The following FAM177A1 variants were observed in gnomAD, a reference collection of about 807,000 sequenced individuals.
The protein encoded by FAM177A1 is family with sequence similarity 177 member A1.
A neutral mutation model predicts 26.1 loss-of-function variants in FAM177A1; 22 were observed. That is an observed-to-expected ratio of 0.84 (90% CI 0.60 to 1.20). FAM177A1 has a LOEUF of 1.20. Ranked by LOEUF, FAM177A1 falls within the 50% of genes most tolerant of loss-of-function variation. FAM177A1 has a pLI of 0.00. For missense variants in FAM177A1, 296 were observed against 291.1 expected, an observed-to-expected ratio of 1.02 and a Z score of -0.12; for synonymous variants, 95 against 99.3, an observed-to-expected ratio of 0.96 and a Z score of 0.26.
upstream of FAM177A1, among the ~76,000 whole-genome samples, chr14:35,045,450 A>G (rs189934021): frequency 1.3e-5 from 2 of 152,348 alleles, no homozygotes; most frequent in East Asian, 3.9e-4. Context: ...TGCTGTTGCT[A>G]TGATGAAAAA....
upstream of FAM177A1, among the ~76,000 whole-genome samples, chr14:35,045,674 T>A (rs200964849): frequency 2.0e-5 from 3 of 152,138 alleles, no homozygotes; most frequent in Admixed American, 6.6e-5. Flanking sequence ...CATGCAGTAA[T>A]TGCATGATTT....
intron 2 of FAM177A1, among the ~76,000 whole-genome samples, chr14:35,063,876 C>T (rs1264754219): frequency 6.7e-6 from 1 of 149,946 alleles, no homozygotes; most frequent in African/African-American, 2.5e-5. Context: ...CCTGAAACTC[C>T]ATCTCTACTA....
In FAM177A1 at chr14:35,081,319, T is replaced by A; in HGVS notation, c.*91T>A. ...CTTTATTCAGTGGGACTTAATACAA[T>A]TATTTATATTTTAAATTATTAAAGT... is the stretch of plus-strand genomic sequence containing the variant. On this transcript the variant is annotated 3_prime_UTR_variant, in exon 5 of 5. Coordinates refer to ENST00000280987, the MANE Select transcript of FAM177A1 (RefSeq NM_173607.5). 8.7e-7 allele frequency: 1 copy of A among 1,146,134 alleles called. No individual in the cohort carries two copies. The highest frequency in any genetic ancestry group is 1.2e-6 in the Non-Finnish European group (1 of 844,450). The allele number at this position is 1,146,134 out of a possible 1,614,324, so 71.0% of individuals were successfully genotyped here.
Position 35,046,824 on chromosome 14 carries a change from C to T in FAM177A1, c.165+196C>T, listed in dbSNP as rs530899899. On this transcript the variant is annotated intron_variant, in intron 1 of 4. Coordinates refer to ENST00000280987, the MANE Select transcript of FAM177A1 (RefSeq NM_173607.5). ...AGCGCCCCCCGCCTCACTCACCAAC[C>T]CCTTGGCTGGCAGCACAGCAGACTC... is the stretch of plus-strand genomic sequence containing the variant. 2.9e-6 allele frequency: 4 copies of T among 1,368,466 alleles called. No individual in the cohort carries two copies. In the East Asian group the frequency reaches 1.2e-4, roughly 41 times the overall value. The allele number at this position is 1,368,466 out of a possible 1,614,324, so 84.8% of individuals were successfully genotyped here.
intron 1 of FAM177A1, among the ~76,000 whole-genome samples, chr14:35,051,343 C>T (rs2044967091): frequency 6.6e-6 from 1 of 152,132 alleles, no homozygotes; most frequent in Non-Finnish European, 1.5e-5. Context: ...TGGTCTCCAA[C>T]TCCTGACATC....
chr14:35,051,512 A>G (rs1171167113), intron 1 of FAM177A1, among the ~76,000 whole-genome samples: 33 of 152,180 alleles, frequency 2.2e-4, no homozygotes, highest in Non-Finnish European at 1.5e-5. Context: ...TCCTGGGTTC[A>G]AGTGATTCTC....
intron 2 of FAM177A1, among the ~76,000 whole-genome samples, chr14:35,067,488 A>G (rs551204914): frequency 6.6e-6 from 1 of 152,342 alleles, no homozygotes; most frequent in South Asian, 2.1e-4. Context: ...TGTAATAAAC[A>G]TGGGAGTGCA....
intron 4 of FAM177A1, among the ~76,000 whole-genome samples, chr14:35,079,306 C>T (rs78142214): frequency 0.017 from 2,601 of 152,250 alleles, 78 homozygotes; most frequent in African/African-American, 0.06. Flanking sequence ...ACATGCCTCT[C>T]TTTGGATTAT....
At position 35,046,514 on chromosome 14, in the gene FAM177A1, C is replaced by T. The variant is rs1295141898; in HGVS notation, c.51C>T (p.Ser17=). ...CCCTCTTTCTCACCAGCGCCAGCAG[C>T]CCTGTGGTGGCGACGACGATGGACC... is the stretch of plus-strand genomic sequence containing the variant. The part of the protein sequence containing the change: ...AITLFLTSAS[S]PVVATTMDQE... The change falls in exon 1 of 5, where the codon AGC becomes AGT. Residue 17 remains serine, a synonymous_variant. Coordinates refer to ENST00000280987, the MANE Select transcript of FAM177A1 (RefSeq NM_173607.5). The T allele has an allele frequency of 2.5e-6, 4 of 1,603,894 alleles. No individual in the cohort carries two copies. In the South Asian group the frequency reaches 3.4e-5, roughly 13 times the overall value.
rs1264505798 is a variant in FAM177A1, at chr14:35,079,021, G to A, written c.501G>A (p.Lys167=). Residue 167 remains lysine (K), a synonymous_variant, in exon 4 of 5, where the codon AAG becomes AAA. Transcript: ENST00000280987. The part of the protein sequence containing the change: ...YAIDEYYRMK[K]EEEEEEEENR... ...TTGATGAATATTATCGGATGAAGAA[G>A]GAGGTATGCCTCCTTTTTACATTTT... is the stretch of plus-strand genomic sequence containing the variant. 1 of 1,553,788 alleles carries A rather than the reference G, an allele frequency of 6.4e-7. No individual in the cohort carries two copies. The highest frequency in any genetic ancestry group is 2.5e-5 in the East Asian group (1 of 40,248).
chr14:35,049,258 G>A (rs959904492), intron 1 of FAM177A1, among the ~76,000 whole-genome samples: 2 of 152,034 alleles, frequency 1.3e-5, no homozygotes, highest in Non-Finnish European at 2.9e-5. Context: ...CAGCCTCAAT[G>A]TTTTTAAAGG....
intron 2 of FAM177A1, among the ~76,000 whole-genome samples, chr14:35,062,604 G>A (rs112380863): frequency 6.6e-6 from 1 of 151,948 alleles, no homozygotes; most frequent in African/African-American, 2.4e-5. Flanking sequence ...TGTTTTTAAA[G>A]ATTAAATGAG....
At chr14:35,066,113 C>A (rs2045237402) in intron 2 of FAM177A1, among the ~76,000 whole-genome samples, 1 of 152,114 alleles carries the variant, frequency 6.6e-6, no homozygotes, top group Non-Finnish European at 1.5e-5. Flanking sequence ...GTTGCCCAGG[C>A]TGTAGTAAAG....
At chr14:35,067,097 T>A (rs988315955) in intron 2 of FAM177A1, among the ~76,000 whole-genome samples, 1 of 152,310 alleles carries the variant, frequency 6.6e-6, no homozygotes, top group South Asian at 2.1e-4. Flanking sequence ...CAGCCCAATT[T>A]TCTGTTTTTA....
At position 35,081,095 on chromosome 14, in the gene FAM177A1, C is replaced by T. The variant is rs767652514; in HGVS notation, c.578C>T (p.Thr193Ile). ...EKQYQQNKLQ[T>I]DSIVQTDQPE... ...CAATATCAACAGAATAAATTGCAGACTGATTCCATTGTTCAGACAGATCAA... is the reference window on the plus strand; with the variant it reads ...CAATATCAACAGAATAAATTGCAGATTGATTCCATTGTTCAGACAGATCAA... The change falls in exon 5 of 5, where the codon ACT becomes ATT. Residue 193 changes from threonine (T) to isoleucine (I), a missense_variant. Thr to Ile is a moderately conservative substitution (Grantham distance 89). Transcript: ENST00000280987. 13 of 1,613,466 alleles carry T rather than the reference C, an allele frequency of 8.1e-6. No homozygotes were observed. The South Asian group carries it at 1.4e-4, about 18-fold the overall frequency.
intron 1 of FAM177A1, chr14:35,046,977 C>T (rs2044877982): frequency 2.8e-6 from 3 of 1,075,376 alleles, no homozygotes; most frequent in Non-Finnish European, 2.3e-6. Context: ...TCAACCACTT[C>T]TCAGTCTCTT....
At position 35,081,130 on chromosome 14, in the gene FAM177A1, G is replaced by C. The variant is rs754213355; in HGVS notation, c.613G>C (p.Val205Leu). 5 of 1,613,598 alleles carry C rather than the reference G, an allele frequency of 3.1e-6. No individual in the cohort carries two copies. In the South Asian group the frequency reaches 5.5e-5, roughly 18 times the overall value. ...TGTTCAGACAGATCAACCAGAGACA[G>C]TGATATCCAGCTCATTTGTGAATGT... is the stretch of plus-strand genomic sequence containing the variant. Reference protein sequence around the residue: ...SIVQTDQPETVISSSFVNVNF... With the variant: ...SIVQTDQPETLISSSFVNVNF... Residue 205 changes from valine to leucine, a missense_variant, in exon 5 of 5, where the codon GTG becomes CTG. By Grantham distance (32) the Val-to-Leu change is conservative. Coordinates refer to ENST00000280987, the MANE Select transcript of FAM177A1 (RefSeq NM_173607.5).
At chr14:35,072,529 G>A (rs1226363147) in intron 2 of FAM177A1, among the ~76,000 whole-genome samples, 1 of 152,106 alleles carries the variant, frequency 6.6e-6, no homozygotes, top group Admixed American at 6.6e-5. Flanking sequence ...CTGTCTGACT[G>A]TTTTACTTTT....
chr14:35,046,328 G>T lies in FAM177A1; in HGVS notation c.-136G>T. The T allele has an allele frequency of 1.8e-6, 2 of 1,096,096 alleles. No homozygotes were observed. The highest frequency in any genetic ancestry group is 2.1e-5 in the South Asian group (1 of 48,608). 67.9% of individuals were successfully genotyped at this position (1,096,096 alleles called of 1,614,324 possible). On this transcript the variant is annotated 5_prime_UTR_variant, in exon 1 of 5. Transcript: ENST00000280987. ...AGCCCGGCGGGCTAGGCGAGGCGCG[G>T]GCTGGCCCCGCCCCTCAGGCCGGCG...
Sources: allele counts gnomAD v4.1 joint callset (sites outside exome capture counted in the v4.1 genomes callset), GRCh38; gene constraint gnomAD v4.1.1; transcripts MANE v1.5; gene names NCBI Gene and HGNC (gene_info 2026-07-23, HGNC 2026-07-21).